The following HTR2B variants were observed in gnomAD, a reference collection of about 807,000 sequenced individuals.
HTR2B encodes the protein 5-hydroxytryptamine receptor 2B.
Under a neutral mutation model 39.8 loss-of-function variants are expected in HTR2B, and 31 were observed. The observed-to-expected ratio is 0.78, with a 90% CI of 0.58 to 1.05. The LOEUF (loss-of-function observed/expected upper bound fraction) is 1.05, where lower values mean the gene tolerates loss of function less well. HTR2B is among the 50% of genes least tolerant of loss of function. The pLI, the probability that HTR2B is intolerant of heterozygous loss-of-function variation, is 0.00. For missense variants in HTR2B, 562 were observed against 578.0 expected, an observed-to-expected ratio of 0.97 and a Z score of 0.28; for synonymous variants, 210 against 207.1, an observed-to-expected ratio of 1.01 and a Z score of -0.12.
chr2:231,121,049 A>G (rs943451394), intron 2 of HTR2B, among the ~76,000 whole-genome samples: 13 of 152,220 alleles, frequency 8.5e-5, no homozygotes, highest in Non-Finnish European at 1.8e-4. Context: ...GTTAGAGGGC[A>G]ACATGTGTTT....
Position 231,109,295 on chromosome 2 carries a change from A to G in HTR2B, c.668T>C (p.Leu223Pro). The change falls in exon 4 of 4, where the codon CTG (leucine) becomes CCG (proline). Residue 223 changes from leucine to proline, a missense_variant. Physicochemically the swap from Leu to Pro is moderately conservative, Grantham distance 98. Coordinates refer to ENST00000258400, the MANE Select transcript of HTR2B (RefSeq NM_000867.5). ...TGCAAGAGGTGTGAAGAAGGCAGCC[A>G]GTGAGCCAAAGAGCATGAAATCGCC... ...RFGDFMLFGS[L>P]AAFFTPLAIM... is the part of the protein sequence containing the mutation. 1 of 1,614,194 alleles carries G rather than the reference A, an allele frequency of 6.2e-7. No homozygotes were observed. The highest frequency in any genetic ancestry group is 8.5e-7 in the Non-Finnish European group (1 of 1,180,026).
Position 231,123,832 on chromosome 2 carries a change from A to T in HTR2B, c.-68T>A. ...AGCATGGTTAGTAGCTAAGCTGCTCATCTGTTTTTTTAAGGCATTGTAACC... is the reference window on the plus strand; with the variant it reads ...AGCATGGTTAGTAGCTAAGCTGCTCTTCTGTTTTTTTAAGGCATTGTAACC... On this transcript the variant is annotated 5_prime_UTR_variant, in exon 2 of 4. The change abolishes an upstream ATG in the 5' untranslated region. Coordinates refer to ENST00000258400, the MANE Select transcript of HTR2B (RefSeq NM_000867.5). 1 of 1,236,054 alleles carries T rather than the reference A, an allele frequency of 8.1e-7. No homozygotes were observed. 76.6% of individuals were successfully genotyped at this position (1,236,054 alleles called of 1,614,324 possible).
chr2:231,123,024 C>T (rs188311325), intron 2 of HTR2B, among the ~76,000 whole-genome samples: 4 of 152,080 alleles, frequency 2.6e-5, no homozygotes, highest in South Asian at 2.1e-4. Context: ...GTTAACCCAG[C>T]GCATATCTGT....
chr2:231,122,440 A>G (rs540422686), intron 2 of HTR2B, among the ~76,000 whole-genome samples: 1 of 152,134 alleles, frequency 6.6e-6, no homozygotes, highest in Non-Finnish European at 1.5e-5. Flanking sequence ...TTATCTTCAT[A>G]TAAGTAAATA....
chr2:231,123,659 T>A lies in HTR2B; in HGVS notation c.106A>T (p.Thr36Ser), dbSNP rs771884174. 73 of 1,613,812 alleles carry A rather than the reference T, an allele frequency of 4.5e-5. 1 individual carries two copies. In the South Asian group the frequency reaches 7.6e-4, roughly 17 times the overall value. The change falls in exon 2 of 4, where the codon ACA (threonine) becomes TCA (serine). Residue 36 changes from threonine to serine, a missense_variant. Physicochemically the swap from Thr to Ser is moderately conservative, Grantham distance 58. Coordinates refer to ENST00000258400, the MANE Select transcript of HTR2B (RefSeq NM_000867.5). The part of the protein sequence containing the change: ...VISSNWSGLQ[T>S]ESIPEEMKQI... ...TTCATTTCCTCTGGTATTGATTCTGTCTGTAATCCAGACCAGTTAGAAGAG... is the reference window on the plus strand; with the variant it reads ...TTCATTTCCTCTGGTATTGATTCTGACTGTAATCCAGACCAGTTAGAAGAG...
intron 2 of HTR2B, among the ~76,000 whole-genome samples, chr2:231,118,155 T>TA (rs1484720549): frequency 6.6e-6 from 1 of 152,176 alleles, no homozygotes; most frequent in Non-Finnish European, 1.5e-5. Flanking sequence ...ATTTCTTTAA[T>TA]AGAGTTTATA....
chr2:231,116,356 G>A (rs1695332481), intron 2 of HTR2B, among the ~76,000 whole-genome samples: 1 of 152,150 alleles, frequency 6.6e-6, no homozygotes, highest in African/African-American at 2.4e-5. Flanking sequence ...ATTGATTGCA[G>A]TTAAGGATTT....
chr2:231,122,497 CA>C (rs1162402565), intron 2 of HTR2B, among the ~76,000 whole-genome samples: 1 of 152,032 alleles, frequency 6.6e-6, no homozygotes, highest in African/African-American at 2.4e-5. Flanking sequence ...TTTGCTTAGG[CA>C]GTTTATGAAT....
At chr2:231,119,625 C>T (rs1315239547) in intron 2 of HTR2B, among the ~76,000 whole-genome samples, 3 of 152,090 alleles carry the variant, frequency 2.0e-5, no homozygotes, top group African/African-American at 7.2e-5. Flanking sequence ...AATCCCAACA[C>T]TTTGGGAGGC....
At chr2:231,114,037 AT>A in intron 2 of HTR2B, 108 bp from the exon 3 acceptor site, 1 of 828,744 alleles carries the variant, frequency 1.2e-6, no homozygotes, top group South Asian at 1.4e-5. Context: ...CTCATCTGAA[AT>A]TTTATAACTT....
intron 2 of HTR2B, among the ~76,000 whole-genome samples, chr2:231,117,903 A>G (rs1235125065): frequency 6.6e-6 from 1 of 152,156 alleles, no homozygotes; most frequent in Non-Finnish European, 1.5e-5. Flanking sequence ...GAACAGTTAC[A>G]TGGGGTTATT....
At chr2:231,122,900 C>G (rs1185634580) in intron 2 of HTR2B, among the ~76,000 whole-genome samples, 1 of 152,104 alleles carries the variant, frequency 6.6e-6, no homozygotes, top group African/African-American at 2.4e-5. Context: ...GAATTGTGTT[C>G]AAGTTTATAA....
At chr2:231,123,303 TC>T (rs1249337944) in intron 2 of HTR2B, 109 bp downstream of exon 2, 1 of 832,906 alleles carries the variant, frequency 1.2e-6, no homozygotes, top group African/African-American at 1.7e-5. Flanking sequence ...CTTTAAATAG[TC>T]CAAGTTCATC....
At chr2:231,113,062 G>A (rs1026380792) in intron 3 of HTR2B, among the ~76,000 whole-genome samples, 3 of 152,130 alleles carry the variant, frequency 2.0e-5, no homozygotes, top group Non-Finnish European at 2.9e-5. Context: ...TACCTGGGAG[G>A]CTGAGGTGGG....
At chr2:231,110,370 T>C (rs922523323) in intron 3 of HTR2B, among the ~76,000 whole-genome samples, 2 of 152,174 alleles carry the variant, frequency 1.3e-5, no homozygotes, top group African/African-American at 4.8e-5. Context: ...TCATGTTAGT[T>C]TTCTGATCTT....
intron 2 of HTR2B, among the ~76,000 whole-genome samples, chr2:231,116,844 C>T (rs570398539): frequency 6.6e-6 from 1 of 152,000 alleles, no homozygotes; most frequent in Non-Finnish European, 1.5e-5. Flanking sequence ...AGAGATGAAT[C>T]TTTACAATTC....
intron 2 of HTR2B, among the ~76,000 whole-genome samples, chr2:231,119,906 A>G (rs1695475839): frequency 6.7e-6 from 1 of 150,254 alleles, no homozygotes; most frequent in Non-Finnish European, 1.5e-5. Flanking sequence ...TAAATAAACC[A>G]ATAACACCCA....
chr2:231,113,135 G>C (rs529636206), intron 3 of HTR2B, among the ~76,000 whole-genome samples: 1 of 152,136 alleles, frequency 6.6e-6, no homozygotes, highest in Non-Finnish European at 1.5e-5. Context: ...TTGCACTCTA[G>C]CCTGGGTGAC....
In HTR2B at chr2:231,113,857, G is replaced by A. The variant is rs766781270; in HGVS notation, c.425C>T (p.Ser142Phe). ...LFLDVLFSTASIMHLCAISVD... is the reference protein window; with the variant it reads ...LFLDVLFSTAFIMHLCAISVD... ...TGAAATGGCACAGAGATGCATGATG[G>A]ATGCGGTTGAAAAGAGAACGTCAAG... The change falls in exon 3 of 4, where the codon TCC (serine) becomes TTC (phenylalanine). Residue 142 changes from serine (S) to phenylalanine (F), a missense_variant. By Grantham distance (155) the Ser-to-Phe change is radical. Transcript: ENST00000258400. 3.7e-6 allele frequency: 6 copies of A among 1,614,024 alleles called. No individual in the cohort carries two copies. The African/African-American group carries it at 8.0e-5, about 22-fold the overall frequency.
Sources: allele counts gnomAD v4.1 joint callset (sites outside exome capture counted in the v4.1 genomes callset), GRCh38; gene constraint gnomAD v4.1.1; transcripts MANE v1.5; gene names NCBI Gene and HGNC (gene_info 2026-07-23, HGNC 2026-07-21).